NAV3: variants seen among roughly 807,000 people sequenced by gnomAD.
NAV3 encodes the protein pore membrane and/or filament interacting like protein 1.
NAV3 carries 87 observed loss-of-function variants against 244.7 expected under a neutral mutation model. That is an observed-to-expected ratio of 0.36 (90% CI 0.30 to 0.42). NAV3 has a LOEUF of 0.42. NAV3 is among the 20% of genes least tolerant of loss of function. The pLI is 1.00. For synonymous variants in NAV3, 1,126 were observed against 1,042.2 expected (o/e 1.08, Z -1.55); for missense variants, 2,663 against 2,893.3 (o/e 0.92, Z 1.83).
At chr12:77,705,646 A>C (rs1249119772) in intron 2 of NAV3, among the ~76,000 whole-genome samples, 1 of 151,386 alleles carries the variant, frequency 6.6e-6, no homozygotes, top group African/African-American at 2.5e-5. Flanking sequence ...CAGATGTGGC[A>C]TATTAGTTGA....
intron 2 of NAV3, among the ~76,000 whole-genome samples, chr12:77,747,075 T>G (rs567424638): frequency 4.6e-5 from 7 of 152,186 alleles, no homozygotes; most frequent in Admixed American, 1.3e-4. Context: ...AGTAAACATT[T>G]TATTGAATTA....
At chr12:77,627,291 GTCCCACTA>G (rs1279086851) in intron 2 of NAV3, among the ~76,000 whole-genome samples, 3 of 152,090 alleles carry the variant, frequency 2.0e-5, no homozygotes, top group Non-Finnish European at 1.5e-5. Context: ...GAACACATAT[GTCCCACTA>G]TATGAAATAG....
At chr12:77,609,660 AT>A (rs35377078) in intron 2 of NAV3, among the ~76,000 whole-genome samples, 13,880 of 151,972 alleles carry the variant, frequency 0.091, 728 homozygotes, top group Middle Eastern at 0.22. Flanking sequence ...GGTGATGTTG[AT>A]GCTGTTGGTC....
intron 22 of NAV3, among the ~76,000 whole-genome samples, 159 bp from the exon 23 acceptor site, chr12:78,159,044 G>A (rs1216733434): frequency 1.3e-5 from 2 of 152,168 alleles, no homozygotes; most frequent in Non-Finnish European, 2.9e-5. Flanking sequence ...GAATGAAAAT[G>A]TGTGTTAAAG....
intron 22 of NAV3, among the ~76,000 whole-genome samples, chr12:78,158,861 T>A (rs1331061581): frequency 6.6e-6 from 1 of 152,154 alleles, no homozygotes; most frequent in Admixed American, 6.6e-5. Context: ...AGTCTAAAAA[T>A]CTTGGCAGAT....
chr12:78,057,475 T>A (rs987105632), intron 11 of NAV3, among the ~76,000 whole-genome samples: 1 of 152,212 alleles, frequency 6.6e-6, no homozygotes, highest in Non-Finnish European at 1.5e-5. Context: ...GTTAAAAAGA[T>A]CCATCTTTTG....
At position 78,064,395 on chromosome 12, in the gene NAV3, GTGTCTGTC is replaced by G. The variant is rs3054540; in HGVS notation, c.2636+5307_2636+5314del. Among the ~76,000 whole-genome samples, 9 of 139,954 alleles carry G rather than the reference GTGTCTGTC, an allele frequency of 6.4e-5. No individual in the cohort carries two copies. In the East Asian group the frequency reaches 8.7e-4, roughly 14 times the overall value. 91.8% of individuals were successfully genotyped at this position (139,954 alleles called of 152,430 possible). A position where few individuals can be genotyped will look rare whatever the true frequency, so the allele number is the denominator to read the frequency against. On this transcript the variant is annotated intron_variant, in intron 12 of 39. Transcript: ENST00000397909. Reference sequence around the variant, plus strand: ...TGCTCCTGGAGACATCTATCTATCTGTGTCTGTCTGTCTGTCTGTCTGTCTGTCTGTCT... The same window carrying G: ...TGCTCCTGGAGACATCTATCTATCTGTGTCTGTCTGTCTGTCTGTCTGTCT...
intron 1 of NAV3, among the ~76,000 whole-genome samples, chr12:77,842,724 G>C (rs990091715): frequency 6.6e-6 from 1 of 151,974 alleles, no homozygotes; most frequent in African/African-American, 2.4e-5. Flanking sequence ...AGCATCAAAA[G>C]AAGAAGCTCA....
chr12:77,634,370 T>G (rs1392452948), intron 2 of NAV3, among the ~76,000 whole-genome samples: 1 of 152,214 alleles, frequency 6.6e-6, no homozygotes, highest in Non-Finnish European at 1.5e-5. Flanking sequence ...ATTATATTAG[T>G]TGATTTTACA....
rs766445256 is a variant in NAV3 at position 78,185,634 on chromosome 12, G to A, written c.5726G>A (p.Gly1909Glu). 1 of 1,608,502 alleles carries A rather than the reference G, an allele frequency of 6.2e-7. No homozygotes were observed. Among genetic ancestry groups the A allele is most frequent in the Non-Finnish European group, 8.5e-7 (1 of 1,177,380 alleles). Residue 1909 changes from glycine to glutamate, a missense_variant, in exon 31 of 40, where the codon GGA (glycine) becomes GAA (glutamate). Physicochemically the swap from Gly to Glu is moderately conservative, Grantham distance 98. Around this residue, in one of 6 missense-constraint regions of NAV3, gnomAD observed 543 missense variants for 672.4 expected, o/e 0.81. Coordinates refer to ENST00000397909, the MANE Select transcript of NAV3 (RefSeq NM_001024383.2). Reference sequence around the variant, plus strand: ...CTAGATGATGCTGGTGATGCAACTGGACATAAAGATGGCCGCAGTGTGAAA... The same window carrying A: ...CTAGATGATGCTGGTGATGCAACTGAACATAAAGATGGCCGCAGTGTGAAA... ...ILLDDAGDATGHKDGRSVKII... is the reference protein window; with the variant it reads ...ILLDDAGDATEHKDGRSVKII...
intron 2 of NAV3, among the ~76,000 whole-genome samples, chr12:77,774,627 C>T (rs1870257733): frequency 6.6e-6 from 1 of 152,098 alleles, no homozygotes; most frequent in African/African-American, 2.4e-5. Context: ...CTGTGGCATA[C>T]TGGAGAGCAA....
intron 24 of NAV3, among the ~76,000 whole-genome samples, chr12:78,171,961 C>A (rs1256393034): frequency 6.6e-6 from 1 of 151,370 alleles, no homozygotes; most frequent in African/African-American, 2.4e-5. Context: ...TGACTATAGT[C>A]TATAATAAAA....
In NAV3 at chr12:78,177,214, A is replaced by T; in HGVS notation, c.5198A>T (p.Glu1733Val). 1 of 1,613,516 alleles carries T rather than the reference A, an allele frequency of 6.2e-7. No individual in the cohort carries two copies. The highest frequency in any genetic ancestry group is 8.5e-7 in the Non-Finnish European group (1 of 1,179,600). ...TKPPSSHSDI[E>V]ELTDSSLPAS... Reference sequence around the variant, plus strand: ...CCTCCTTCATCACATTCTGACATTGAAGAGCTTACTGATTCATCCCTTCCG... The same window carrying T: ...CCTCCTTCATCACATTCTGACATTGTAGAGCTTACTGATTCATCCCTTCCG... The change falls in exon 27 of 40, where the codon GAA (glutamate) becomes GTA (valine). Residue 1733 changes from glutamate to valine, a missense_variant. By Grantham distance (121) the Glu-to-Val change is moderately radical (BLOSUM62 -2). This residue lies in a region of NAV3 where 193 missense variants were observed against 200.7 expected (regional missense o/e 0.96). Transcript: ENST00000397909.
At chr12:77,738,039 G>A (rs1423714157) in intron 2 of NAV3, among the ~76,000 whole-genome samples, 1 of 151,962 alleles carries the variant, frequency 6.6e-6, no homozygotes, top group African/African-American at 2.4e-5. Context: ...CTGTCTTCAG[G>A]TCGTTTTCCT....
intron 3 of NAV3, among the ~76,000 whole-genome samples, chr12:77,953,261 CTA>C (rs1891067032): frequency 6.6e-6 from 1 of 152,120 alleles, no homozygotes; most frequent in East Asian, 1.9e-4. Flanking sequence ...ATATCTATGT[CTA>C]TACAGCTAGT....
intron 2 of NAV3, among the ~76,000 whole-genome samples, chr12:77,717,640 GTATTTT>G (rs746550555): frequency 6.6e-6 from 1 of 151,834 alleles, no homozygotes; most frequent in Non-Finnish European, 1.5e-5. Flanking sequence ...GCATCATATG[GTATTTT>G]TATTTTTATT....
chr12:77,960,585 AATAT>A (rs1227476974), intron 3 of NAV3, among the ~76,000 whole-genome samples: 1 of 148,936 alleles, frequency 6.7e-6, no homozygotes, highest in East Asian at 1.9e-4. Flanking sequence ...TATTACCTAT[AATAT>A]ATAACATATA....
intron 1 of NAV3, among the ~76,000 whole-genome samples, chr12:77,891,836 G>A (rs79772132): frequency 0.012 from 1,879 of 152,168 alleles, 45 homozygotes; most frequent in African/African-American, 0.043. Context: ...TTAAGTGCTG[G>A]CTCCCTTGTC....
intron 38 of NAV3, among the ~76,000 whole-genome samples, chr12:78,202,716 G>A (rs557110802): frequency 6.6e-6 from 1 of 152,004 alleles, no homozygotes; most frequent in Admixed American, 6.6e-5. Context: ...GGGCTTTTTG[G>A]GGGAGGGGAA....
Sources: allele counts gnomAD v4.1 joint callset (sites outside exome capture counted in the v4.1 genomes callset), GRCh38; gene constraint gnomAD v4.1.1; regional missense constraint gnomAD v4.1.1; transcripts MANE v1.5; gene names NCBI Gene and HGNC (gene_info 2026-07-23, HGNC 2026-07-21).